Variants in DCAKD observed in about 807,000 individuals in gnomAD.
DCAKD encodes the protein dephospho-CoA kinase domain-containing protein.
In DCAKD, 15 loss-of-function variants were observed where a neutral mutation model predicts 18.7. The observed-to-expected ratio is 0.80, with a 90% CI of 0.54 to 1.24. The LOEUF (loss-of-function observed/expected upper bound fraction) is 1.24. Among genes scored for constraint, DCAKD ranks in the 50% most tolerant of loss-of-function variants. The pLI is 0.00. For missense variants in DCAKD, 301 were observed against 322.0 expected, an observed-to-expected ratio of 0.93 and a Z score of 0.50; for synonymous variants, 130 against 133.0, an observed-to-expected ratio of 0.98 and a Z score of 0.16.
In DCAKD at chr17:45,031,206, C is replaced by T. The variant is rs2053165195; in HGVS notation, c.317-1027G>A. 1.5e-5 allele frequency: 15 copies of T among 985,350 alleles called. No individual in the cohort carries two copies. The South Asian group carries it at 6.1e-4, about 40-fold the overall frequency. 61.0% of individuals were successfully genotyped at this position (985,350 alleles called of 1,614,324 possible). The stretch of plus-strand genomic sequence containing the variant: ...TTCCAAGGGTGTCACGGGAAACTTG[C>T]ACTCAAAGTGATGCAGGGACAATGG... On this transcript the variant is annotated intron_variant, in intron 3 of 4. Transcript: ENST00000651974.
intron 1 of DCAKD, among the ~76,000 whole-genome samples, chr17:45,037,552 A>G (rs34393217): frequency 0.15 from 23,353 of 150,888 alleles, 2,046 homozygotes; most frequent in Middle Eastern, 0.22. Context: ...TCCGCCTCTC[A>G]GGTTCAAGCG....
intron 1 of DCAKD, among the ~76,000 whole-genome samples, chr17:45,046,030 T>A (rs1263379228): frequency 6.6e-6 from 1 of 151,810 alleles, no homozygotes; most frequent in African/African-American, 2.4e-5. Context: ...TTTCACCACG[T>A]TGGCCAGGCT....
intron 1 of DCAKD, among the ~76,000 whole-genome samples, chr17:45,037,124 G>A (rs2053318614): frequency 6.6e-6 from 1 of 152,096 alleles, no homozygotes; most frequent in Non-Finnish European, 1.5e-5. Context: ...ATCCACCACG[G>A]AGTCATCATC....
upstream of DCAKD, among the ~76,000 whole-genome samples, chr17:45,054,777 T>A (rs2053762567): frequency 6.6e-6 from 1 of 152,076 alleles, no homozygotes; most frequent in Non-Finnish European, 1.5e-5. Flanking sequence ...ATACCCAGAC[T>A]CCCACCAGTA....
intron 4 of DCAKD, among the ~76,000 whole-genome samples, chr17:45,024,994 A>T (rs538214202): frequency 6.9e-6 from 1 of 145,920 alleles, no homozygotes; most frequent in African/African-American, 2.5e-5. Flanking sequence ...CAAGGGGGGA[A>T]CTTTGGCCAC....
intron 1 of DCAKD, among the ~76,000 whole-genome samples, chr17:45,046,916 G>A (rs2053583859): frequency 6.6e-6 from 1 of 152,050 alleles, no homozygotes; most frequent in East Asian, 1.9e-4. Flanking sequence ...CACCAGAAAG[G>A]GCAATTCAAA....
At chr17:45,058,005 T>C (rs1307571580) in intron 1 of DCAKD, among the ~76,000 whole-genome samples, 1 of 95,760 alleles carries the variant, frequency 1.0e-5, no homozygotes, top group Non-Finnish European at 1.9e-5. Flanking sequence ...TGAGATTCCG[T>C]CTCAAAAAAA....
upstream of DCAKD, chr17:45,054,094 C>T (rs369087280): frequency 5.8e-6 from 3 of 518,944 alleles, no homozygotes; most frequent in African/African-American, 5.8e-5. Flanking sequence ...AGGAGACCTA[C>T]TGCCATCACC....
rs1473735012 is a variant in DCAKD at position 45,051,550 on chromosome 17, T to A, written c.-304A>T. ...TCACCGGCCCGCGTGGCGCGCTACGTACCCAGCGCCTCCGCCGTGGCCCAG... is the reference window on the plus strand; with the variant it reads ...TCACCGGCCCGCGTGGCGCGCTACGAACCCAGCGCCTCCGCCGTGGCCCAG... On this transcript the variant is annotated 5_prime_UTR_variant, in exon 1 of 5. Transcript: ENST00000651974. 4 of 151,252 alleles carry A rather than the reference T, an allele frequency of 2.6e-5. No individual in the cohort carries two copies. Among genetic ancestry groups the A allele is most frequent in the Non-Finnish European group, 5.9e-5 (4 of 67,756 alleles). The allele number at this position is 151,252 out of a possible 1,614,324, so 9.4% of individuals were successfully genotyped here. A position where few individuals can be genotyped will look rare whatever the true frequency, so the allele number is the denominator to read the frequency against.
intron 3 of DCAKD, among the ~76,000 whole-genome samples, chr17:45,033,163 T>C (rs1007689372): frequency 6.6e-6 from 1 of 151,882 alleles, no homozygotes. Flanking sequence ...TTGGCCAGCA[T>C]AGTGAGACCC....
intron 1 of DCAKD, among the ~76,000 whole-genome samples, chr17:45,046,265 C>G (rs1046050599): frequency 1.3e-5 from 2 of 152,118 alleles, no homozygotes; most frequent in African/African-American, 4.8e-5. Context: ...AGCTTCCCAG[C>G]AGGCGGAACT....
Position 45,058,432 on chromosome 17 carries a change from T to G in DCAKD, c.-118+2456A>C, listed in dbSNP as rs189725784. Reference sequence around the variant, plus strand: ...CACCACGCCCAGCCTACTTTTTATTTTTTTTGAGACAGAGTCCCACTTTGT... The same window carrying G: ...CACCACGCCCAGCCTACTTTTTATTGTTTTTGAGACAGAGTCCCACTTTGT... On this transcript the variant is annotated intron_variant, in intron 1 of 4. Transcript: ENST00000310604. Among the ~76,000 whole-genome samples, 284 of 152,098 alleles carry G rather than the reference T, an allele frequency of 1.9e-3. 1 individual carries two copies. The highest frequency in any genetic ancestry group is 8.3e-3 in the South Asian group (40 of 4,796).
intron 3 of DCAKD, 139 bp from the exon 4 acceptor site, chr17:45,030,318 G>A (rs1416928765): frequency 2.9e-5 from 21 of 723,434 alleles, no homozygotes; most frequent in African/African-American, 8.7e-5. Context: ...CACACTGGCC[G>A]GTTCCAATGC....
At chr17:45,044,008 CTTTGCTCCAAAGTTAGGAACAAACTTTG>C (rs1567845111) in intron 1 of DCAKD, among the ~76,000 whole-genome samples, 1 of 152,246 alleles carries the variant, frequency 6.6e-6, no homozygotes, top group South Asian at 2.1e-4. Flanking sequence ...CCTGCTGCAC[CTTTGCTCCAAAGTTAGGAACAAACTTTG>C]TTTGCTCCTA....
upstream of DCAKD, among the ~76,000 whole-genome samples, chr17:45,055,756 T>G (rs1374648369): frequency 2.6e-5 from 4 of 152,214 alleles, no homozygotes; most frequent in Non-Finnish European, 5.9e-5. Context: ...GTTCTACCCC[T>G]GACTCTCCAG....
intron 4 of DCAKD, among the ~76,000 whole-genome samples, chr17:45,028,112 C>G (rs1277737182): frequency 6.6e-6 from 1 of 150,898 alleles, no homozygotes; most frequent in African/African-American, 2.4e-5. Flanking sequence ...ACTCTAAGAT[C>G]CTTTTTTTTT....
At chr17:45,059,916 CA>C (rs1284100888) in intron 1 of DCAKD, among the ~76,000 whole-genome samples, 1 of 151,982 alleles carries the variant, frequency 6.6e-6, no homozygotes, top group Non-Finnish European at 1.5e-5. Flanking sequence ...CCAGCCTGAC[CA>C]ACATGGTGAA....
At chr17:45,028,776 C>T (rs149681646) in intron 4 of DCAKD, among the ~76,000 whole-genome samples, 5 of 151,668 alleles carry the variant, frequency 3.3e-5, no homozygotes, top group African/African-American at 1.2e-4. Flanking sequence ...GCAATCTCTG[C>T]TCACTGCAAC....
At chr17:45,041,856 C>G (rs1250773360) in intron 1 of DCAKD, among the ~76,000 whole-genome samples, 3 of 151,876 alleles carry the variant, frequency 2.0e-5, no homozygotes, top group Non-Finnish European at 4.4e-5. Flanking sequence ...TGGTGGCTCA[C>G]GCCTGCAATC....
Sources: gnomAD v4.1 joint callset for allele counts (sites outside exome capture counted in the v4.1 genomes callset) on GRCh38, gnomAD v4.1.1 for gene constraint, MANE v1.5 for transcripts, NCBI Gene and HGNC (gene_info 2026-07-23, HGNC 2026-07-21) for gene names.